Variants in PSTPIP2 observed in about 807,000 individuals in gnomAD.
PSTPIP2 encodes proline-serine-threonine phosphatase interacting protein 2.
A neutral mutation model predicts 63.3 loss-of-function variants in PSTPIP2; 33 were observed. The observed-to-expected ratio is 0.52, with a 90% CI of 0.40 to 0.70. The LOEUF is 0.70. Ranked by LOEUF, PSTPIP2 falls within the 30% of genes least tolerant of loss-of-function variation. The pLI, the probability that PSTPIP2 is intolerant of heterozygous loss-of-function variation, is 0.00. For missense variants in PSTPIP2, 312 were observed against 400.7 expected, an observed-to-expected ratio of 0.78 and a Z score of 1.89; for synonymous variants, 125 against 132.7, an observed-to-expected ratio of 0.94 and a Z score of 0.40.
intron 1 of PSTPIP2, among the ~76,000 whole-genome samples, chr18:46,041,852 G>A (rs1908206952): frequency 6.6e-6 from 1 of 152,172 alleles, no homozygotes; most frequent in Non-Finnish European, 1.5e-5. Flanking sequence ...CGCCATCCCA[G>A]CCAAAGCAGA....
At chr18:46,010,075 A>G (rs769267473) in intron 5 of PSTPIP2, among the ~76,000 whole-genome samples, 6 of 152,318 alleles carry the variant, frequency 3.9e-5, no homozygotes, top group Middle Eastern at 6.8e-3. Flanking sequence ...TGCTAAAAGC[A>G]GCTGGTGAAA....
intron 1 of PSTPIP2, among the ~76,000 whole-genome samples, chr18:46,068,901 T>G (rs898675610): frequency 3.9e-5 from 6 of 152,026 alleles, no homozygotes; most frequent in Non-Finnish European, 7.4e-5. Context: ...GTAAAAGGTT[T>G]GGATGAGAGT....
At chr18:46,010,183 A>G (rs673123) in intron 5 of PSTPIP2, among the ~76,000 whole-genome samples, 98,697 of 152,084 alleles carry the variant, frequency 0.65, 32,445 homozygotes, top group East Asian at 0.83. Context: ...CCAACCCAGA[A>G]CCACAGGCAA....
intron 2 of PSTPIP2, among the ~76,000 whole-genome samples, chr18:46,027,038 T>C (rs965106298): frequency 3.9e-5 from 6 of 152,144 alleles, no homozygotes; most frequent in Non-Finnish European, 8.8e-5. Context: ...CTCACACCTG[T>C]AATCCCAGTA....
At chr18:46,071,653 GGCAGCTGCT>G (rs1909397469) in intron 1 of PSTPIP2, among the ~76,000 whole-genome samples, 1 of 152,168 alleles carries the variant, frequency 6.6e-6, no homozygotes, top group Non-Finnish European at 1.5e-5. Flanking sequence ...GATCCCGGGG[GGCAGCTGCT>G]GCTGTCAACC....
intron 1 of PSTPIP2, among the ~76,000 whole-genome samples, chr18:46,055,511 G>C (rs1908725085): frequency 6.6e-6 from 1 of 152,054 alleles, no homozygotes. Flanking sequence ...TTTCGTTGAG[G>C]TTTCATGATG....
chr18:46,063,753 T>C (rs576258520), intron 1 of PSTPIP2, among the ~76,000 whole-genome samples: 7 of 152,134 alleles, frequency 4.6e-5, no homozygotes, highest in African/African-American at 1.7e-4. Context: ...AATAACCAAA[T>C]GTGCACTCTC....
In PSTPIP2 at chr18:46,046,295, C is replaced by T. The variant is rs111848810; in HGVS notation, c.34-6248G>A. On this transcript the variant is annotated intron_variant, in intron 1 of 14. Transcript: ENST00000409746. The stretch of plus-strand genomic sequence containing the variant: ...GAGCAGAGGGGAAGCAAACAGCACC[C>T]GCAGTCTCCAAAGCCACCAACAGGG... Among the ~76,000 whole-genome samples, 892 of 152,320 alleles carry T rather than the reference C, an allele frequency of 5.9e-3. 17 individuals carry two copies. The highest frequency in any genetic ancestry group is 0.033 in the Admixed American group (501 of 15,290).
At chr18:46,026,556 A>C (rs1167641525) in intron 2 of PSTPIP2, among the ~76,000 whole-genome samples, 1 of 152,200 alleles carries the variant, frequency 6.6e-6, no homozygotes, top group Non-Finnish European at 1.5e-5. Context: ...ATACATGCTC[A>C]TTACTCAAAA....
At position 45,983,880 on chromosome 18, in the gene PSTPIP2, C is replaced by T. The variant is rs988191477; in HGVS notation, c.*1579G>A. The T allele has an allele frequency of 2.0e-5, 3 of 152,316 alleles. No homozygotes were observed. The highest frequency in any genetic ancestry group is 7.2e-5 in the African/African-American group (3 of 41,450). The allele number at this position is 152,316 out of a possible 1,614,324, so 9.4% of individuals were successfully genotyped here. ...TGGGGAAATAGGCCGGGCGCAGTGGCTCACGCCTGTAATCCCAGCACTTTG... is the reference window on the plus strand; with the variant it reads ...TGGGGAAATAGGCCGGGCGCAGTGGTTCACGCCTGTAATCCCAGCACTTTG... On this transcript the variant is annotated 3_prime_UTR_variant, in exon 15 of 15. Coordinates refer to ENST00000409746, the MANE Select transcript of PSTPIP2 (RefSeq NM_024430.4).
intron 2 of PSTPIP2, among the ~76,000 whole-genome samples, chr18:46,025,694 A>AAAG (rs2144097329): frequency 6.6e-6 from 1 of 152,054 alleles, no homozygotes; most frequent in East Asian, 1.9e-4. Context: ...AAAAAAAAAA[A>AAAG]AAAGAAAGAA....
intron 3 of PSTPIP2, among the ~76,000 whole-genome samples, chr18:46,016,566 A>G (rs536146673): frequency 0.016 from 2,364 of 152,286 alleles, 64 homozygotes; most frequent in African/African-American, 0.054. Context: ...CTTATCCCAG[A>G]CCTCAGAGTC....
Position 46,029,154 on chromosome 18 carries a change from A to C in PSTPIP2, c.135-4468T>G. ...AGAAGTTTTAGCCATGAGTACTCAC[A>C]GCAAGGTTTTTTATGTCTATGACAT... On this transcript the variant is annotated intron_variant, in intron 2 of 14. Transcript: ENST00000409746. 3.3e-6 allele frequency: 3 copies of C among 917,132 alleles called. No homozygotes were observed. In the Admixed American group the frequency reaches 5.1e-5, roughly 16 times the overall value. The allele number at this position is 917,132 out of a possible 1,614,324, so 56.8% of individuals were successfully genotyped here.
chr18:46,019,414 A>G (rs1223496181), intron 3 of PSTPIP2, among the ~76,000 whole-genome samples: 3 of 152,184 alleles, frequency 2.0e-5, no homozygotes, highest in Non-Finnish European at 4.4e-5. Context: ...GTTATTACAA[A>G]TACATTAAGC....
chr18:46,035,087 G>A (rs1211185696), intron 2 of PSTPIP2, among the ~76,000 whole-genome samples: 1 of 152,106 alleles, frequency 6.6e-6, no homozygotes, highest in Non-Finnish European at 1.5e-5. Context: ...TTAACCAGCT[G>A]AAAGACTTCA....
At chr18:46,005,967 A>G (rs1599707847) in intron 5 of PSTPIP2, among the ~76,000 whole-genome samples, 1 of 152,208 alleles carries the variant, frequency 6.6e-6, no homozygotes, top group Admixed American at 6.5e-5. Context: ...TCAGTGACAC[A>G]TCCATGACCA....
intron 1 of PSTPIP2, among the ~76,000 whole-genome samples, chr18:46,053,490 T>C (rs182147945): frequency 2.0e-4 from 31 of 152,348 alleles, no homozygotes; most frequent in African/African-American, 7.0e-4. Flanking sequence ...GCTGATTTTT[T>C]ACCCAGCTTG....
intron 8 of PSTPIP2, among the ~76,000 whole-genome samples, chr18:45,998,117 G>T (rs1235667697): frequency 3.3e-5 from 5 of 152,148 alleles, no homozygotes; most frequent in Non-Finnish European, 7.4e-5. Context: ...CCAGGGTTTT[G>T]TTTGTGTAAT....
At chr18:46,033,129 A>C (rs1462521753) in intron 2 of PSTPIP2, among the ~76,000 whole-genome samples, 2 of 152,192 alleles carry the variant, frequency 1.3e-5, no homozygotes, top group African/African-American at 2.4e-5. Flanking sequence ...GGCCTTGAAT[A>C]ATATCAGCAC....
Sources: allele counts gnomAD v4.1 joint callset (sites outside exome capture counted in the v4.1 genomes callset), GRCh38; gene constraint gnomAD v4.1.1; transcripts MANE v1.5; gene names NCBI Gene and HGNC (gene_info 2026-07-23, HGNC 2026-07-21).